The following TSPAN5 variants were observed in gnomAD, a reference collection of about 807,000 sequenced individuals.
TSPAN5 encodes the protein tetraspanin-5.
Under a neutral mutation model 37.1 loss-of-function variants are expected in TSPAN5, and 10 were observed. That is an observed-to-expected ratio of 0.27 (90% CI 0.17 to 0.46). The LOEUF (loss-of-function observed/expected upper bound fraction) is 0.46, where lower values mean the gene tolerates loss of function less well. Among genes scored for constraint, TSPAN5 ranks in the 20% least tolerant of loss-of-function variants. The pLI, the probability that TSPAN5 is intolerant of heterozygous loss-of-function variation, is 1.00. For missense variants in TSPAN5, 195 were observed against 326.6 expected (o/e 0.60, Z 3.11); for synonymous variants, 110 against 118.9 (o/e 0.93, Z 0.48).
At chr4:98,487,154 G>T (rs1254789117) in intron 2 of TSPAN5, among the ~76,000 whole-genome samples, 1 of 151,124 alleles carries the variant, frequency 6.6e-6, no homozygotes, top group African/African-American at 2.4e-5. Context: ...GGGAGGGAGG[G>T]GGGGATGGAG....
At chr4:98,567,585 C>G (rs1360472054) in intron 1 of TSPAN5, among the ~76,000 whole-genome samples, 1 of 152,122 alleles carries the variant, frequency 6.6e-6, no homozygotes, top group Non-Finnish European at 1.5e-5. Context: ...CTGCCTTGTT[C>G]AAAGCAACAC....
chr4:98,623,299 G>A (rs1756523309), intron 1 of TSPAN5, among the ~76,000 whole-genome samples: 2 of 152,110 alleles, frequency 1.3e-5, no homozygotes. Flanking sequence ...TTCATCAAAG[G>A]GTCTGAAAGC....
intron 1 of TSPAN5, among the ~76,000 whole-genome samples, chr4:98,656,638 C>CA (rs1171582216): frequency 6.6e-6 from 1 of 152,194 alleles, no homozygotes; most frequent in African/African-American, 2.4e-5. Flanking sequence ...ACAACACTGG[C>CA]AAAAAACTGC....
In TSPAN5 at chr4:98,621,207, G is replaced by A. The variant is rs180856880; in HGVS notation, c.81+36939C>T. On this transcript the variant is annotated intron_variant, in intron 1 of 7. Coordinates refer to ENST00000305798, the MANE Select transcript of TSPAN5 (RefSeq NM_005723.4). ...CACTATAAGCTAGGGGAGAGCCACG[G>A]AGCTGATTCTCCCTACAACCATCAG... is the stretch of plus-strand genomic sequence containing the variant. 2.9e-4 allele frequency among the ~76,000 whole-genome samples: 44 copies of A among 152,120 alleles called. 1 individual carries two copies. The highest frequency in any genetic ancestry group is 2.5e-3 in the Admixed American group (38 of 15,280).
chr4:98,650,341 A>C (rs1757157754), intron 1 of TSPAN5, among the ~76,000 whole-genome samples: 3 of 152,120 alleles, frequency 2.0e-5, no homozygotes, highest in Admixed American at 2.0e-4. Flanking sequence ...AGGGTATCTC[A>C]GGGAGAAAGG....
At chr4:98,547,777 T>C (rs1172869927) in intron 1 of TSPAN5, among the ~76,000 whole-genome samples, 2 of 151,864 alleles carry the variant, frequency 1.3e-5, no homozygotes, top group African/African-American at 4.8e-5. Context: ...GAAGCCGAGG[T>C]AGACGGATCA....
chr4:98,595,831 T>A (rs1755749876), intron 1 of TSPAN5, among the ~76,000 whole-genome samples: 1 of 23,906 alleles, frequency 4.2e-5, no homozygotes, highest in Admixed American at 5.3e-4. Context: ...TCTTTTACAT[T>A]TGCTGAGGAG....
At chr4:98,557,671 T>A (rs2110163952) in intron 1 of TSPAN5, among the ~76,000 whole-genome samples, 1 of 152,266 alleles carries the variant, frequency 6.6e-6, no homozygotes, top group Non-Finnish European at 1.5e-5. Flanking sequence ...CCAAAGGAGG[T>A]GGGCCGAGTC....
At chr4:98,582,178 G>A (rs573323950) in intron 1 of TSPAN5, among the ~76,000 whole-genome samples, 5 of 152,324 alleles carry the variant, frequency 3.3e-5, no homozygotes, top group South Asian at 2.1e-4. Flanking sequence ...AAGTGATTGC[G>A]GTTCTCTTGT....
At chr4:98,599,193 T>G (rs1755826706) in intron 1 of TSPAN5, among the ~76,000 whole-genome samples, 1 of 152,156 alleles carries the variant, frequency 6.6e-6, no homozygotes, top group South Asian at 2.1e-4. Context: ...CAAGCTGGAG[T>G]GCAGTGGCAT....
intron 1 of TSPAN5, among the ~76,000 whole-genome samples, chr4:98,639,367 G>C (rs145455925): frequency 9.9e-5 from 15 of 152,146 alleles, no homozygotes; most frequent in East Asian, 5.8e-4. Flanking sequence ...GCCCAGGCCA[G>C]AGTGCAGTGG....
intron 2 of TSPAN5, among the ~76,000 whole-genome samples, chr4:98,495,724 C>G (rs1185893933): frequency 1.3e-5 from 2 of 151,830 alleles, no homozygotes; most frequent in Non-Finnish European, 2.9e-5. Flanking sequence ...GCAAACAAAA[C>G]TCCAGAAGGG....
chr4:98,655,374 G>T (rs1442277622), intron 1 of TSPAN5, among the ~76,000 whole-genome samples: 1 of 152,154 alleles, frequency 6.6e-6, no homozygotes, highest in Non-Finnish European at 1.5e-5. Context: ...CTCATTCTGT[G>T]TAAGAACTAG....
chr4:98,472,347 T>C lies in TSPAN5; in HGVS notation c.*175A>G, dbSNP rs1752606501. The C allele has an allele frequency of 4.1e-6, 2 of 482,102 alleles. No individual in the cohort carries two copies. Among genetic ancestry groups the C allele is most frequent in the Admixed American group, 7.9e-5 (2 of 25,302 alleles). 29.9% of individuals were successfully genotyped at this position (482,102 alleles called of 1,614,324 possible). On this transcript the variant is annotated 3_prime_UTR_variant, in exon 8 of 8. Coordinates refer to ENST00000305798, the MANE Select transcript of TSPAN5 (RefSeq NM_005723.4). ...TCATACTGGTTATTTTTTTTTTTAA[T>C]TCTGTCAGTGAGCAGCATTTCCCAG...
chr4:98,648,411 C>T (rs1406858373), intron 1 of TSPAN5, among the ~76,000 whole-genome samples: 1 of 152,174 alleles, frequency 6.6e-6, no homozygotes, highest in Non-Finnish European at 1.5e-5. Flanking sequence ...AGCTACTCAA[C>T]TGCACTGACA....
intron 1 of TSPAN5, among the ~76,000 whole-genome samples, chr4:98,511,590 C>T (rs1296061085): frequency 6.6e-6 from 1 of 152,176 alleles, no homozygotes; most frequent in Non-Finnish European, 1.5e-5. Context: ...CATTATATGG[C>T]ACATGACTAC....
At chr4:98,618,123 T>C (rs183856253) in intron 1 of TSPAN5, among the ~76,000 whole-genome samples, 2 of 152,180 alleles carry the variant, frequency 1.3e-5, no homozygotes, top group East Asian at 3.9e-4. Flanking sequence ...AGCAAACAGG[T>C]CCATGCATTC....
At chr4:98,535,235 A>G (rs1754204447) in intron 1 of TSPAN5, among the ~76,000 whole-genome samples, 1 of 152,194 alleles carries the variant, frequency 6.6e-6, no homozygotes, top group East Asian at 1.9e-4. Context: ...TGGTGGTGAC[A>G]AAATCTCTCA....
chr4:98,488,166 G>T (rs1021849606), intron 2 of TSPAN5, among the ~76,000 whole-genome samples: 3 of 152,162 alleles, frequency 2.0e-5, no homozygotes, highest in Non-Finnish European at 2.9e-5. Context: ...GGTGACAGAC[G>T]CCATCGCTTC....
Sources: allele counts gnomAD v4.1 joint callset (sites outside exome capture counted in the v4.1 genomes callset), GRCh38; gene constraint gnomAD v4.1.1; transcripts MANE v1.5; gene names NCBI Gene and HGNC (gene_info 2026-07-23, HGNC 2026-07-21).